CNKSR3: variants seen among roughly 807,000 people sequenced by gnomAD.
CNKSR3 encodes the protein CNKSR family member 3.
Under a neutral mutation model 67.7 loss-of-function variants are expected in CNKSR3, and 36 were observed. That is an observed-to-expected ratio of 0.53 (90% CI 0.41 to 0.70). The LOEUF is 0.70. Among genes scored for constraint, CNKSR3 ranks in the 30% least tolerant of loss-of-function variants. The probability of loss-of-function intolerance (pLI) is 0.00; values close to 1 mark genes in which losing one functional copy is unlikely to be tolerated. For synonymous variants in CNKSR3, 281 were observed against 271.4 expected (o/e 1.04, Z -0.35); for missense variants, 630 against 695.2 (o/e 0.91, Z 1.05).
chr6:154,432,852 C>CA (rs567663599), intron 5 of CNKSR3, among the ~76,000 whole-genome samples: 2 of 152,160 alleles, frequency 1.3e-5, no homozygotes, highest in Non-Finnish European at 2.9e-5. Flanking sequence ...CAGGAAATTC[C>CA]AAAGAGTGAT....
intron 1 of CNKSR3, among the ~76,000 whole-genome samples, chr6:154,474,982 A>T (rs1786412904): frequency 6.6e-6 from 1 of 152,194 alleles, no homozygotes; most frequent in Admixed American, 6.5e-5. Context: ...GGCCCAAGGA[A>T]ATCACCATTT....
chr6:154,483,228 C>A lies in CNKSR3; in HGVS notation c.52+26835G>T, dbSNP rs559082202. Among the ~76,000 whole-genome samples the A allele has an allele frequency of 8.6e-4, 131 of 152,354 alleles. 1 individual carries two copies. The highest frequency in any genetic ancestry group is 4.8e-3 in the South Asian group (23 of 4,832). On this transcript the variant is annotated intron_variant, in intron 1 of 12. Transcript: ENST00000607772. ...GCCTCTAGGTATCCAATAATCCACA[C>A]TAGTCACAGCCTGTTCATCATCACG...
intron 9 of CNKSR3, 80 bp from the exon 10 acceptor site, chr6:154,414,503 A>G: frequency 6.9e-7 from 1 of 1,450,824 alleles, no homozygotes; most frequent in South Asian, 1.3e-5. Flanking sequence ...CCCCTCCCCC[A>G]AACCAACACC....
At position 154,410,424 on chromosome 6, in the gene CNKSR3, G is replaced by A. The variant is rs1385793306; in HGVS notation, c.1288C>T (p.Arg430Trp). 9 of 1,613,234 alleles carry A rather than the reference G, an allele frequency of 5.6e-6. No individual in the cohort carries two copies. Among genetic ancestry groups the A allele is most frequent in the East Asian group, 2.2e-5 (1 of 44,894 alleles). The change falls in exon 12 of 13, where the codon CGG (arginine) becomes TGG (tryptophan). Residue 430 changes from arginine (R) to tryptophan (W), a missense_variant. Coordinates refer to ENST00000607772, the MANE Select transcript of CNKSR3 (RefSeq NM_173515.4). ...CCATCAGCAGGCATGGACAAAGGCC[G>A]TGGCTTGCCTTCAGAGGGACGAGAA... ...REKTPSYGKP[R>W]PLSMPADGNW...
rs778461989 is a variant in CNKSR3, at chr6:154,450,222, A to G, written c.89T>C (p.Phe30Ser). 6.2e-7 allele frequency: 1 copy of G among 1,614,136 alleles called. No individual in the cohort carries two copies. Among genetic ancestry groups the G allele is most frequent in the Non-Finnish European group, 8.5e-7 (1 of 1,180,024 alleles). ...CTCGCCGTTGATCTTCTCTCGTTCA[A>G]ACTTGTGGACATATTGTTGCAGGCA... The part of the protein sequence containing the change: ...DDCLQQYVHK[F>S]EREKINGEQL... The change falls in exon 2 of 13, where the codon TTT (phenylalanine) becomes TCT (serine). Residue 30 changes from phenylalanine (F) to serine (S), a missense_variant. Coordinates refer to ENST00000607772, the MANE Select transcript of CNKSR3 (RefSeq NM_173515.4).
intron 1 of CNKSR3, among the ~76,000 whole-genome samples, chr6:154,486,496 T>A (rs1161631553): frequency 7.3e-6 from 1 of 136,912 alleles, no homozygotes; most frequent in Non-Finnish European, 1.5e-5. Flanking sequence ...TTTATTTTAT[T>A]TTATCTTATT....
At chr6:154,418,609 A>G (rs183543781) in intron 9 of CNKSR3, among the ~76,000 whole-genome samples, 19 of 152,302 alleles carry the variant, frequency 1.2e-4, no homozygotes, top group East Asian at 7.7e-4. Context: ...CAGGCACTCC[A>G]TCAATTACCT....
chr6:154,450,104 G>C lies in CNKSR3; in HGVS notation c.207C>G (p.Leu69=), dbSNP rs779517665. The change falls in exon 2 of 13, where the codon CTC becomes CTG. Residue 69 remains leucine (L), a synonymous_variant. Coordinates refer to ENST00000607772, the MANE Select transcript of CNKSR3 (RefSeq NM_173515.4). The part of the protein sequence containing the change: ...QELVLEAVDL[L]CALNYGLETD... ...CTTTTCCTGAACTAACCAGTGCACA[G>C]AGAAGGTCCACAGCCTCCAACACAA... The C allele has an allele frequency of 6.2e-7, 1 of 1,614,150 alleles. No homozygotes were observed.
chr6:154,392,034 AC>A lies in CNKSR3; in HGVS notation c.*14319del, dbSNP rs1784613349. On this transcript the variant is annotated 3_prime_UTR_variant, in exon 13 of 13. Transcript: ENST00000607772. ...AGACCATCCTGGCCAACATGGTGAAACCCCGTCACTATTAAAAATACAAAAA... is the reference window on the plus strand; with the variant it reads ...AGACCATCCTGGCCAACATGGTGAAACCCGTCACTATTAAAAATACAAAAA... The A allele has an allele frequency of 6.6e-6, 1 of 151,950 alleles. No homozygotes were observed. Among genetic ancestry groups the A allele is most frequent in the South Asian group, 2.1e-4 (1 of 4,816 alleles). The allele number at this position is 151,950 out of a possible 1,614,324, so 9.4% of individuals were successfully genotyped here. A position where few individuals can be genotyped will look rare whatever the true frequency, so the allele number is the denominator to read the frequency against.
At chr6:154,488,779 G>C (rs1293387155) in intron 1 of CNKSR3, among the ~76,000 whole-genome samples, 1 of 152,048 alleles carries the variant, frequency 6.6e-6, no homozygotes, top group African/African-American at 2.4e-5. Flanking sequence ...TCATGACTGG[G>C]GTCAGGGGTG....
intron 10 of CNKSR3, among the ~76,000 whole-genome samples, chr6:154,413,175 C>CACAA (rs1220986637): frequency 6.7e-6 from 1 of 149,630 alleles, no homozygotes; most frequent in African/African-American, 2.5e-5. Flanking sequence ...CACACACACA[C>CACAA]AAATATGAAA....
intron 1 of CNKSR3, among the ~76,000 whole-genome samples, chr6:154,464,493 G>T (rs1786150672): frequency 6.6e-6 from 1 of 152,088 alleles, no homozygotes; most frequent in African/African-American, 2.4e-5. Flanking sequence ...GAGGCCTGCG[G>T]AACATGAGGT....
intron 10 of CNKSR3, among the ~76,000 whole-genome samples, chr6:154,412,524 T>C (rs60989003): frequency 0.032 from 4,911 of 152,228 alleles, 102 homozygotes; most frequent in Middle Eastern, 0.099. Context: ...ATCCACACAT[T>C]AGTAGTGGAA....
At position 154,394,007 on chromosome 6, in the gene CNKSR3, G is replaced by T. The variant is rs912405932; in HGVS notation, c.*12347C>A. 6.6e-6 allele frequency: 1 copy of T among 152,100 alleles called. No individual in the cohort carries two copies. The highest frequency in any genetic ancestry group is 1.5e-5 in the Non-Finnish European group (1 of 68,028). 9.4% of individuals were successfully genotyped at this position (152,100 alleles called of 1,614,324 possible). A position where few individuals can be genotyped will look rare whatever the true frequency, so the allele number is the denominator to read the frequency against. On this transcript the variant is annotated 3_prime_UTR_variant, in exon 13 of 13. Coordinates refer to ENST00000607772, the MANE Select transcript of CNKSR3 (RefSeq NM_173515.4). ...TCCCAACCTTCCTTGAAGTTGCAGT[G>T]GCTGTGATTGTCATTTCTTTTCTTT...
intron 4 of CNKSR3, among the ~76,000 whole-genome samples, chr6:154,437,026 CAAG>C (rs1317944018): frequency 1.3e-5 from 2 of 151,964 alleles, no homozygotes; most frequent in South Asian, 2.1e-4. Flanking sequence ...GATGTCACCA[CAAG>C]AAGAAGAAGG....
chr6:154,471,759 G>T (rs1033342012), intron 1 of CNKSR3, among the ~76,000 whole-genome samples: 1 of 152,132 alleles, frequency 6.6e-6, no homozygotes, highest in African/African-American at 2.4e-5. Flanking sequence ...TGTCACGTTT[G>T]TGTCTCTTAT....
intron 1 of CNKSR3, among the ~76,000 whole-genome samples, chr6:154,483,386 T>C (rs949542988): frequency 6.6e-6 from 1 of 152,258 alleles, no homozygotes; most frequent in South Asian, 2.1e-4. Flanking sequence ...CACCTAGTGA[T>C]TGCTACAACT....
chr6:154,470,188 CTTTTTTTTTTTTTTTT>C (rs869154714), intron 1 of CNKSR3, among the ~76,000 whole-genome samples: 26 of 68,722 alleles, frequency 3.8e-4, no homozygotes, highest in Non-Finnish European at 5.7e-4. Flanking sequence ...ACTTTCTTTC[CTTTTTTTTTTTTTTTT>C]TTTTTTTTTT....
chr6:154,473,150 C>A (rs542730311), intron 1 of CNKSR3, among the ~76,000 whole-genome samples: 1 of 152,184 alleles, frequency 6.6e-6, no homozygotes, highest in African/African-American at 2.4e-5. Context: ...CTCAAAGTCA[C>A]ACAGCTAATC....
Sources: allele counts gnomAD v4.1 joint callset (sites outside exome capture counted in the v4.1 genomes callset), GRCh38; gene constraint gnomAD v4.1.1; transcripts MANE v1.5; gene names NCBI Gene and HGNC (gene_info 2026-07-23, HGNC 2026-07-21).